The following CACHD1 variants were observed in gnomAD, a reference collection of about 807,000 sequenced individuals.
The protein encoded by CACHD1 is cache domain containing 1.
In CACHD1, 71 loss-of-function variants were observed where a neutral mutation model predicts 138.7. That is an observed-to-expected ratio of 0.51 (90% confidence interval 0.42 to 0.62). The LOEUF is 0.62. CACHD1 is among the 20% of genes least tolerant of loss of function. The pLI is 0.00. For missense variants in CACHD1, 1,389 were observed against 1,625.3 expected (o/e 0.85, Z 2.50); for synonymous variants, 578 against 591.5 (o/e 0.98, Z 0.33).
Position 64,519,598 on chromosome 1 carries a change from C to A in CACHD1, c.199-30996C>A, listed in dbSNP as rs138138713. ...AAAGAAAAGCATTACCAGTGACTGC[C>A]CATTAACTATCAATCAGATCCTCTG... is the stretch of plus-strand genomic sequence containing the variant. On this transcript the variant is annotated intron_variant, in intron 1 of 26. Coordinates refer to ENST00000651257, the MANE Select transcript of CACHD1 (RefSeq NM_020925.4). Among the ~76,000 whole-genome samples the A allele has an allele frequency of 9.0e-4, 122 of 135,566 alleles. 2 individuals are homozygous for A. In the East Asian group the frequency reaches 0.02, roughly 22 times the overall value. The allele number at this position is 135,566 out of a possible 152,430, so 88.9% of individuals were successfully genotyped here.
intron 1 of CACHD1, among the ~76,000 whole-genome samples, chr1:64,493,749 C>T (rs1487432650): frequency 6.6e-6 from 1 of 152,168 alleles, no homozygotes; most frequent in African/African-American, 2.4e-5. Context: ...AATCCTCCCT[C>T]CTCCCTGCCA....
intron 7 of CACHD1, among the ~76,000 whole-genome samples, chr1:64,637,864 T>G (rs1648577507): frequency 6.6e-6 from 1 of 152,202 alleles, no homozygotes; most frequent in Admixed American, 6.5e-5. Flanking sequence ...CAGGGTACTC[T>G]CAGGCAATAT....
At chr1:64,499,241 T>A (rs780089883) in intron 1 of CACHD1, among the ~76,000 whole-genome samples, 1 of 152,222 alleles carries the variant, frequency 6.6e-6, no homozygotes, top group Non-Finnish European at 1.5e-5. Flanking sequence ...CCTTATGGGC[T>A]GATTCTTATC....
chr1:64,613,591 T>C (rs1359028777), intron 4 of CACHD1: 1 of 152,188 alleles, frequency 6.6e-6, no homozygotes. Context: ...TCTACAGTTT[T>C]GCTTGACTAT....
intron 21 of CACHD1, among the ~76,000 whole-genome samples, chr1:64,676,193 T>C (rs1649985761): frequency 6.6e-6 from 1 of 152,034 alleles, no homozygotes; most frequent in Admixed American, 6.6e-5. Flanking sequence ...TAAATTTAAC[T>C]GCTGTAAAAG....
chr1:64,569,577 G>A (rs978611826), intron 2 of CACHD1, among the ~76,000 whole-genome samples: 7 of 152,158 alleles, frequency 4.6e-5, no homozygotes, highest in Non-Finnish European at 7.4e-5. Context: ...CGGGGGCCTT[G>A]CGGCAGGGCA....
chr1:64,690,646 T>C (rs1169608778), intron 26 of CACHD1, among the ~76,000 whole-genome samples: 1 of 152,246 alleles, frequency 6.6e-6, no homozygotes, highest in East Asian at 1.9e-4. Flanking sequence ...CATTAGGCAC[T>C]AGAACTTTGG....
chr1:64,673,806 C>T (rs1424777749), intron 19 of CACHD1, among the ~76,000 whole-genome samples: 1 of 152,140 alleles, frequency 6.6e-6, no homozygotes, highest in African/African-American at 2.4e-5. Flanking sequence ...TCCTCTCTTC[C>T]TGTCTTCTAG....
intron 1 of CACHD1, among the ~76,000 whole-genome samples, chr1:64,527,853 G>C (rs1002516228): frequency 3.3e-5 from 5 of 152,098 alleles, no homozygotes; most frequent in Non-Finnish European, 7.3e-5. Flanking sequence ...GTTTTCTAAG[G>C]CCTCTTGTAA....
At chr1:64,505,251 A>G (rs1280646744) in intron 1 of CACHD1, among the ~76,000 whole-genome samples, 1 of 152,150 alleles carries the variant, frequency 6.6e-6, no homozygotes, top group Non-Finnish European at 1.5e-5. Context: ...AAGATACAGG[A>G]GGGCAGTCAA....
intron 1 of CACHD1, among the ~76,000 whole-genome samples, chr1:64,480,878 C>G (rs1196466253): frequency 1.3e-5 from 2 of 148,496 alleles, no homozygotes; most frequent in Admixed American, 6.6e-5. Context: ...TTCTTTCTCT[C>G]TCTCTCCCTT....
chr1:64,567,330 GCATTACCTTCATTT>G (rs1460973056), intron 2 of CACHD1, among the ~76,000 whole-genome samples: 1 of 151,864 alleles, frequency 6.6e-6, no homozygotes, highest in Non-Finnish European at 1.5e-5. Context: ...ATCTAGTGTG[GCATTACCTTCATTT>G]CTGTTCAAAT....
At chr1:64,679,907 T>C in intron 24 of CACHD1, 151 bp downstream of exon 24, 1 of 854,504 alleles carries the variant, frequency 1.2e-6, no homozygotes, top group Non-Finnish European at 1.8e-6. Flanking sequence ...TGCTTTCTTC[T>C]TCAGTGCCTA....
At chr1:64,572,576 A>C (rs980620580) in intron 2 of CACHD1, among the ~76,000 whole-genome samples, 1 of 152,234 alleles carries the variant, frequency 6.6e-6, no homozygotes, top group African/African-American at 2.4e-5. Flanking sequence ...CCCCATTATA[A>C]CCTTTAAAGC....
At chr1:64,635,672 C>T (rs1353112875) in intron 7 of CACHD1, among the ~76,000 whole-genome samples, 2 of 151,732 alleles carry the variant, frequency 1.3e-5, no homozygotes, top group South Asian at 2.1e-4. Flanking sequence ...TGAGCCACCA[C>T]GCCTGGCCTC....
At chr1:64,684,309 T>G (rs1052154571) in intron 26 of CACHD1, among the ~76,000 whole-genome samples, 2 of 151,768 alleles carry the variant, frequency 1.3e-5, no homozygotes, top group African/African-American at 2.4e-5. Context: ...TGGTATTTTA[T>G]CGCCATTTAG....
intron 1 of CACHD1, among the ~76,000 whole-genome samples, chr1:64,531,740 G>A (rs771192852): frequency 8.5e-5 from 13 of 152,286 alleles, no homozygotes; most frequent in Admixed American, 3.9e-4. Context: ...ATGGAGAAGC[G>A]TTTGCTATAC....
chr1:64,639,501 G>T (rs1269818715), intron 7 of CACHD1, among the ~76,000 whole-genome samples: 2 of 152,160 alleles, frequency 1.3e-5, no homozygotes, highest in African/African-American at 4.8e-5. Context: ...TGCAGTTAAT[G>T]TTCACTAGAG....
chr1:64,678,414 C>T (rs1010962391), intron 23 of CACHD1, 104 bp downstream of exon 23: 3 of 1,185,434 alleles, frequency 2.5e-6, no homozygotes, highest in Non-Finnish European at 3.4e-6. Context: ...TCCCTGATTC[C>T]TTTGCTGGTA....
Sources: gnomAD v4.1 joint callset for allele counts (sites outside exome capture counted in the v4.1 genomes callset) on GRCh38, gnomAD v4.1.1 for gene constraint, MANE v1.5 for transcripts, NCBI Gene and HGNC (gene_info 2026-07-23, HGNC 2026-07-21) for gene names.